The following PCMT1 variants were observed in gnomAD, a reference collection of about 807,000 sequenced individuals.
PCMT1 encodes the protein protein-L-isoaspartate (D-aspartate) O-methyltransferase, also known as protein-L-isoaspartate(D-aspartate) O-methyltransferase.
Under a neutral mutation model 29.2 loss-of-function variants are expected in PCMT1, and 9 were observed. The ratio of observed to expected loss-of-function variants is 0.31; its 90% CI spans 0.19 to 0.54. PCMT1 has a LOEUF of 0.54. Among genes scored for constraint, PCMT1 ranks in the 20% least tolerant of loss-of-function variants. PCMT1 has a pLI of 0.95. For synonymous variants in PCMT1, 98 were observed against 97.5 expected, an observed-to-expected ratio of 1.00 and a Z score of -0.03; for missense variants, 184 against 282.2, an observed-to-expected ratio of 0.65 and a Z score of 2.49.
intron 7 of PCMT1, among the ~76,000 whole-genome samples, chr6:149,807,868 T>C (rs887471824): frequency 2.6e-5 from 4 of 152,208 alleles, no homozygotes; most frequent in Non-Finnish European, 5.9e-5. Flanking sequence ...AGGGATCCAA[T>C]TGATCCCGTG....
In PCMT1 at chr6:149,796,420, G is replaced by A. The variant is rs1788614386; in HGVS notation, c.424G>A (p.Asp142Asn). The A allele has an allele frequency of 6.2e-7, 1 of 1,611,920 alleles. No individual in the cohort carries two copies. Among genetic ancestry groups the A allele is most frequent in the Non-Finnish European group, 8.5e-7 (1 of 1,178,780 alleles). ...CATAGCTGTTTTTCTTTCAGTGGGG[G>A]ATGGAAGAATGGGATATGCTGAAGA... Reference protein sequence around the residue: ...SSGRVQLVVGDGRMGYAEEAP... With the variant: ...SSGRVQLVVGNGRMGYAEEAP... Residue 142 changes from aspartate to asparagine, a missense_variant, in exon 6 of 8, where the codon GAT becomes AAT. Transcript: ENST00000464889.
chr6:149,784,987 CAG>C (rs1482622929), intron 3 of PCMT1, among the ~76,000 whole-genome samples: 8 of 151,988 alleles, frequency 5.3e-5, no homozygotes, highest in South Asian at 4.1e-4. Context: ...AGTATCCACA[CAG>C]AGTCTATACA....
At chr6:149,802,946 G>A (rs572730848) in intron 7 of PCMT1, among the ~76,000 whole-genome samples, 8 of 151,216 alleles carry the variant, frequency 5.3e-5, no homozygotes, top group Non-Finnish European at 1.2e-4. Context: ...CCAGCTACTC[G>A]GGAGGCTGAG....
At chr6:149,810,186 C>T in intron 7 of PCMT1, 1 of 159,678 alleles carries the variant, frequency 6.3e-6, no homozygotes, top group Non-Finnish European at 1.4e-5. Flanking sequence ...TTGACCCACT[C>T]CACAATTGCT....
intron 1 of PCMT1, among the ~76,000 whole-genome samples, chr6:149,750,726 A>G (rs1218514302): frequency 6.6e-6 from 1 of 152,262 alleles, no homozygotes; most frequent in East Asian, 1.9e-4. Context: ...GTTTCTTTAT[A>G]TCACTCTCCT....
At chr6:149,756,532 T>C (rs958433573) in intron 1 of PCMT1, among the ~76,000 whole-genome samples, 1 of 142,790 alleles carries the variant, frequency 7.0e-6, no homozygotes, top group Non-Finnish European at 1.5e-5. Flanking sequence ...TTTTTTTTTT[T>C]TTTTTTTTTT....
intron 7 of PCMT1, among the ~76,000 whole-genome samples, chr6:149,807,970 G>T (rs769072986): frequency 4.6e-5 from 7 of 152,192 alleles, no homozygotes; most frequent in Non-Finnish European, 1.5e-5. Context: ...GATATATTCT[G>T]TTACTTTTGG....
At chr6:149,798,044 C>T (rs1000223337) in intron 6 of PCMT1, 1 of 151,948 alleles carries the variant, frequency 6.6e-6, no homozygotes, top group African/African-American at 2.4e-5. Flanking sequence ...CTTGTAGTCC[C>T]AGCTACTCAA....
intron 1 of PCMT1, among the ~76,000 whole-genome samples, chr6:149,751,701 C>G (rs930123027): frequency 6.6e-6 from 1 of 151,834 alleles, no homozygotes; most frequent in African/African-American, 2.4e-5. Flanking sequence ...AGGCTGATGT[C>G]GAACTCCTGA....
At chr6:149,790,870 A>G (rs1401264113) in intron 4 of PCMT1, among the ~76,000 whole-genome samples, 3 of 152,082 alleles carry the variant, frequency 2.0e-5, no homozygotes, top group Non-Finnish European at 2.9e-5. Flanking sequence ...TTAGCCAGGC[A>G]TGGTGGAGCA....
rs1266129696 is a variant in PCMT1 at position 149,796,412 on chromosome 6, C to A, written c.419-3C>A. The A allele has an allele frequency of 3.7e-6, 6 of 1,608,312 alleles. No homozygotes were observed. Among genetic ancestry groups the A allele is most frequent in the Non-Finnish European group, 5.1e-6 (6 of 1,177,016 alleles). ...TTTTAAAGCATAGCTGTTTTTCTTT[C>A]AGTGGGGGATGGAAGAATGGGATAT... On this transcript the variant is annotated splice_polypyrimidine_tract_variant and splice_region_variant and intron_variant, in intron 5 of 7. Coordinates refer to ENST00000464889, the MANE Select transcript of PCMT1 (RefSeq NM_001360452.2).
At chr6:149,777,400 A>G (rs1313228139) in intron 3 of PCMT1, among the ~76,000 whole-genome samples, 1 of 152,236 alleles carries the variant, frequency 6.6e-6, no homozygotes, top group East Asian at 1.9e-4. Flanking sequence ...GAGAAATCAT[A>G]TGTTGAACCA....
chr6:149,776,412 C>T (rs544062332), intron 3 of PCMT1, among the ~76,000 whole-genome samples: 20 of 151,886 alleles, frequency 1.3e-4, no homozygotes, highest in East Asian at 3.9e-4. Flanking sequence ...CTACCATGCC[C>T]GGCTAATTTT....
At chr6:149,784,728 A>C (rs1008262740) in intron 3 of PCMT1, among the ~76,000 whole-genome samples, 1 of 152,030 alleles carries the variant, frequency 6.6e-6, no homozygotes, top group Non-Finnish European at 1.5e-5. Flanking sequence ...CCTCCCAAAG[A>C]CTGGGATTAC....
intron 7 of PCMT1, among the ~76,000 whole-genome samples, chr6:149,809,557 G>T (rs2115355926): frequency 6.6e-6 from 1 of 152,096 alleles, no homozygotes; most frequent in South Asian, 2.1e-4. Flanking sequence ...ATATTTTCTT[G>T]CACAATTTAC....
intron 5 of PCMT1, chr6:149,794,796 C>A: frequency 2.1e-6 from 1 of 482,460 alleles, no homozygotes. Flanking sequence ...TCTCATGTTG[C>A]CAGTGAGGGA....
chr6:149,756,911 T>C (rs1786531765), intron 1 of PCMT1, among the ~76,000 whole-genome samples: 1 of 151,922 alleles, frequency 6.6e-6, no homozygotes, highest in Non-Finnish European at 1.5e-5. Flanking sequence ...TCCTAGCACT[T>C]TGGGAGGCCG....
intron 7 of PCMT1, chr6:149,810,202 A>G (rs1327787620): frequency 6.3e-6 from 1 of 158,800 alleles, no homozygotes; most frequent in Admixed American, 6.5e-5. Flanking sequence ...TTGCTAGTGG[A>G]CATTCTGAGC....
Position 149,756,611 on chromosome 6 carries a change from C to T in PCMT1, c.55+6655C>T, listed in dbSNP as rs1238428478. ...AACCCCTGGGCTCAAGTGATCCACC[C>T]GCCTCAGTCTCCAATATTGCTGGGA... On this transcript the variant is annotated intron_variant, in intron 1 of 7. Coordinates refer to ENST00000464889, the MANE Select transcript of PCMT1 (RefSeq NM_001360452.2). Among the ~76,000 whole-genome samples the T allele has an allele frequency of 6.1e-5, 9 of 148,666 alleles. No individual in the cohort carries two copies. The South Asian group carries it at 6.3e-4, about 10-fold the overall frequency.
Sources: allele counts gnomAD v4.1 joint callset (sites outside exome capture counted in the v4.1 genomes callset), GRCh38; gene constraint gnomAD v4.1.1; transcripts MANE v1.5; gene names NCBI Gene and HGNC (gene_info 2026-07-23, HGNC 2026-07-21).